EIF4EBP1: variants seen among roughly 807,000 people sequenced by gnomAD.
The protein encoded by EIF4EBP1 is eukaryotic translation initiation factor 4E binding protein 1.
In EIF4EBP1, 5 loss-of-function variants were observed where a neutral mutation model predicts 9.2. That is an observed-to-expected ratio of 0.54 (90% confidence interval 0.28 to 1.14). The LOEUF (loss-of-function observed/expected upper bound fraction) is 1.14. EIF4EBP1 is among the 50% of genes most tolerant of loss of function. The pLI is 0.09. For missense variants in EIF4EBP1, 139 were observed against 169.6 expected (o/e 0.82, Z 1.00); for synonymous variants, 62 against 67.0 (o/e 0.93, Z 0.36).
At chr8:38,042,369 T>C (rs901476389) in intron 1 of EIF4EBP1, among the ~76,000 whole-genome samples, 3 of 152,086 alleles carry the variant, frequency 2.0e-5, no homozygotes, top group Admixed American at 6.6e-5. Context: ...TGTGTGTGAG[T>C]GTGTGGTGTA....
At chr8:38,056,241 G>T (rs949435001) in intron 1 of EIF4EBP1, among the ~76,000 whole-genome samples, 2 of 151,982 alleles carry the variant, frequency 1.3e-5, no homozygotes, top group Non-Finnish European at 2.9e-5. Context: ...GTCCTCCCAC[G>T]GTGGCCTCCC....
At chr8:38,058,275 G>A (rs1387181780) in intron 2 of EIF4EBP1, among the ~76,000 whole-genome samples, 1 of 152,198 alleles carries the variant, frequency 6.6e-6, no homozygotes, top group African/African-American at 2.4e-5. Flanking sequence ...GCCCGCATCT[G>A]CTGGGCTTCT....
At chr8:38,057,370 C>A in intron 2 of EIF4EBP1, 110 bp downstream of exon 2, 1 of 1,316,624 alleles carries the variant, frequency 7.6e-7, no homozygotes, top group African/African-American at 1.5e-5. Context: ...AGGGACTCTG[C>A]CCTACCCTCT....
intron 1 of EIF4EBP1, among the ~76,000 whole-genome samples, chr8:38,039,769 T>G (rs1183722128): frequency 6.6e-6 from 1 of 152,226 alleles, no homozygotes; most frequent in Non-Finnish European, 1.5e-5. Context: ...TACTTCATTT[T>G]AAGTCAAGGA....
At chr8:38,054,051 A>G (rs1003987201) in intron 1 of EIF4EBP1, among the ~76,000 whole-genome samples, 3 of 152,166 alleles carry the variant, frequency 2.0e-5, no homozygotes, top group Admixed American at 2.0e-4. Context: ...AAAAGTCACC[A>G]GGGGCTGATG....
intron 1 of EIF4EBP1, among the ~76,000 whole-genome samples, chr8:38,042,684 TC>T (rs1454683105): frequency 6.6e-6 from 1 of 152,180 alleles, no homozygotes; most frequent in Non-Finnish European, 1.5e-5. Flanking sequence ...CCTAACAGCC[TC>T]ATTTTAATTT....
At chr8:38,052,781 G>C (rs1449277617) in intron 1 of EIF4EBP1, among the ~76,000 whole-genome samples, 2 of 149,994 alleles carry the variant, frequency 1.3e-5, no homozygotes, top group Non-Finnish European at 3.0e-5. Flanking sequence ...TCAAACTCCT[G>C]GGCTCAAGTG....
At chr8:38,046,983 C>G (rs1277039417) in intron 1 of EIF4EBP1, among the ~76,000 whole-genome samples, 1 of 152,112 alleles carries the variant, frequency 6.6e-6, no homozygotes, top group African/African-American at 2.4e-5. Context: ...TCTGGGTTTC[C>G]CTGCTCTGCA....
chr8:38,053,914 G>T (rs1191428161), intron 1 of EIF4EBP1, among the ~76,000 whole-genome samples: 2 of 151,906 alleles, frequency 1.3e-5, no homozygotes, highest in African/African-American at 4.9e-5. Context: ...GGGAAGGGGA[G>T]TTGTTGTAGA....
At chr8:38,033,640 CA>C (rs1371909853) in intron 1 of EIF4EBP1, among the ~76,000 whole-genome samples, 4 of 151,980 alleles carry the variant, frequency 2.6e-5, no homozygotes, top group Non-Finnish European at 5.9e-5. Context: ...AAGTACCCCC[CA>C]GTCACTCCTG....
intron 1 of EIF4EBP1, among the ~76,000 whole-genome samples, chr8:38,031,922 C>T (rs1460231494): frequency 1.3e-5 from 2 of 152,210 alleles, no homozygotes. Flanking sequence ...AGAAATGCTT[C>T]CTTTTCTATT....
chr8:38,057,304 T>TG (rs766946086), intron 2 of EIF4EBP1, 44 bp downstream of exon 2: 3 of 1,538,738 alleles, frequency 1.9e-6, no homozygotes, highest in Non-Finnish European at 2.6e-6. Context: ...GGAAAGGGAA[T>TG]GTATGAGGCT....
chr8:38,035,208 A>C (rs1052377303), intron 1 of EIF4EBP1, among the ~76,000 whole-genome samples: 1 of 151,536 alleles, frequency 6.6e-6, no homozygotes, highest in African/African-American at 2.4e-5. Flanking sequence ...CAATCCCCAG[A>C]CTCCTTTTTA....
intron 1 of EIF4EBP1, among the ~76,000 whole-genome samples, chr8:38,041,674 G>C (rs1809382594): frequency 6.6e-6 from 1 of 152,270 alleles, no homozygotes; most frequent in African/African-American, 2.4e-5. Flanking sequence ...TGTTCTCACG[G>C]CCTTATGTTC....
At chr8:38,052,119 G>C (rs111591575) in intron 1 of EIF4EBP1, among the ~76,000 whole-genome samples, 2,210 of 152,252 alleles carry the variant, frequency 0.015, 54 homozygotes, top group African/African-American at 0.05. Flanking sequence ...GTTTCTGTCA[G>C]ACCACACCTG....
chr8:38,039,402 C>CT lies in EIF4EBP1; in HGVS notation c.145+8705dup, dbSNP rs56390718. On this transcript the variant is annotated intron_variant, in intron 1 of 2. Coordinates refer to ENST00000338825, the MANE Select transcript of EIF4EBP1 (RefSeq NM_004095.4). ...TTCAGTAGGTTAGGTGTACTAAATACTTTTTTTTTTTTTTTTTTTTTGAGT... is the reference window on the plus strand; with the variant it reads ...TTCAGTAGGTTAGGTGTACTAAATACTTTTTTTTTTTTTTTTTTTTTTGAGT... 9.5e-3 allele frequency among the ~76,000 whole-genome samples: 841 copies of CT among 88,994 alleles called. 22 individuals are homozygous for CT. The highest frequency in any genetic ancestry group is 0.028 in the African/African-American group (667 of 24,120). 58.4% of individuals were successfully genotyped at this position (88,994 alleles called of 152,430 possible).
chr8:38,031,006 T>C (rs1006291213), intron 1 of EIF4EBP1, among the ~76,000 whole-genome samples: 1 of 152,188 alleles, frequency 6.6e-6, no homozygotes, highest in African/African-American at 2.4e-5. Context: ...CATGCCGAGC[T>C]GTGCTGCCCC....
intron 2 of EIF4EBP1, among the ~76,000 whole-genome samples, 178 bp downstream of exon 2, chr8:38,057,438 T>C (rs1172686799): frequency 3.3e-5 from 5 of 152,066 alleles, no homozygotes; most frequent in African/African-American, 4.8e-5. Context: ...GAACTCTTCA[T>C]TGGTAGCAAC....
intron 1 of EIF4EBP1, among the ~76,000 whole-genome samples, chr8:38,051,041 C>A (rs1213041195): frequency 2.0e-5 from 3 of 152,130 alleles, no homozygotes; most frequent in Non-Finnish European, 4.4e-5. Flanking sequence ...CACCTGGCAC[C>A]CCTCTGGTAA....
Sources: gnomAD v4.1 joint callset for allele counts (sites outside exome capture counted in the v4.1 genomes callset) on GRCh38, gnomAD v4.1.1 for gene constraint, MANE v1.5 for transcripts, NCBI Gene and HGNC (gene_info 2026-07-23, HGNC 2026-07-21) for gene names.